DNAI7: variants seen among roughly 807,000 people sequenced by gnomAD.
The protein encoded by DNAI7 is dynein axonemal intermediate chain 7, also known as cancer susceptibility 1.
DNAI7 carries 78 observed loss-of-function variants against 86.6 expected under a neutral mutation model. The ratio of observed to expected loss-of-function variants is 0.90; its 90% confidence interval spans 0.75 to 1.09. DNAI7 has a LOEUF of 1.09. DNAI7 is among the 50% of genes least tolerant of loss of function. The pLI, the probability that DNAI7 is intolerant of heterozygous loss-of-function variation, is 0.00. For synonymous variants in DNAI7, 274 were observed against 273.0 expected (o/e 1.00, Z -0.04); for missense variants, 753 against 810.2 (o/e 0.93, Z 0.86).
intron 12 of DNAI7, among the ~76,000 whole-genome samples, chr12:25,118,380 C>T (rs1293714958): frequency 6.6e-6 from 1 of 152,150 alleles, no homozygotes; most frequent in Non-Finnish European, 1.5e-5. Context: ...TCTCCTGCCT[C>T]AGCCTGCGGA....
intron 9 of DNAI7, among the ~76,000 whole-genome samples, chr12:25,143,864 C>T (rs1162688755): frequency 6.6e-6 from 1 of 152,042 alleles, no homozygotes; most frequent in Non-Finnish European, 1.5e-5. Flanking sequence ...AGAGAAGAAG[C>T]TAACTAAAGG....
At chr12:25,187,822 A>C (rs971203247) in intron 2 of DNAI7, among the ~76,000 whole-genome samples, 2 of 152,348 alleles carry the variant, frequency 1.3e-5, no homozygotes, top group South Asian at 2.1e-4. Context: ...AATAATGCCT[A>C]AGATGGCAGT....
At chr12:25,108,198 TC>T, downstream of DNAI7, 1 of 960,000 alleles carries the variant, frequency 1.0e-6, no homozygotes, top group East Asian at 2.5e-5. Context: ...TTACATTTCC[TC>T]TTTTTGCCTT....
intron 14 of DNAI7, among the ~76,000 whole-genome samples, chr12:25,110,856 C>T (rs1938672760): frequency 6.6e-6 from 1 of 151,922 alleles, no homozygotes; most frequent in Non-Finnish European, 1.5e-5. Context: ...AGGTAAGGAC[C>T]TTTGTTTCAT....
chr12:25,151,663 C>T (rs1945561662), intron 6 of DNAI7, among the ~76,000 whole-genome samples: 1 of 152,180 alleles, frequency 6.6e-6, no homozygotes, highest in African/African-American at 2.4e-5. Flanking sequence ...CTCTGGTAGA[C>T]AGGATGTGTA....
At chr12:25,153,951 C>T (rs556698273) in intron 6 of DNAI7, among the ~76,000 whole-genome samples, 17 of 152,250 alleles carry the variant, frequency 1.1e-4, no homozygotes, top group African/African-American at 3.9e-4. Flanking sequence ...GTATACCTGG[C>T]ACCTAGTAAA....
chr12:25,189,149 G>A (rs746473681), intron 2 of DNAI7, among the ~76,000 whole-genome samples: 2 of 152,082 alleles, frequency 1.3e-5, no homozygotes, highest in Non-Finnish European at 2.9e-5. Flanking sequence ...TTTTAAGGGT[G>A]GTAGATTAAA....
intron 9 of DNAI7, among the ~76,000 whole-genome samples, chr12:25,125,332 T>C (rs1213282035): frequency 6.6e-6 from 1 of 152,212 alleles, no homozygotes; most frequent in Non-Finnish European, 1.5e-5. Flanking sequence ...TGAGATGATA[T>C]CTCATTGTGG....
chr12:25,142,716 T>TA (rs1565707696), intron 9 of DNAI7, among the ~76,000 whole-genome samples: 1 of 152,224 alleles, frequency 6.6e-6, no homozygotes, highest in Non-Finnish European at 1.5e-5. Flanking sequence ...TTCAGGAATA[T>TA]AAAATCACAA....
chr12:25,171,562 A>T (rs563632547), intron 2 of DNAI7, among the ~76,000 whole-genome samples: 1 of 152,202 alleles, frequency 6.6e-6, no homozygotes, highest in Non-Finnish European at 1.5e-5. Context: ...ATTGGTACCA[A>T]TTCTATTGAC....
intron 7 of DNAI7, among the ~76,000 whole-genome samples, chr12:25,148,209 A>G (rs976710273): frequency 2.6e-5 from 4 of 152,074 alleles, no homozygotes; most frequent in African/African-American, 7.2e-5. Context: ...TCCTCATGGC[A>G]TTGTTTAACT....
At chr12:25,152,966 T>C (rs541919258) in intron 6 of DNAI7, among the ~76,000 whole-genome samples, 5 of 152,342 alleles carry the variant, frequency 3.3e-5, no homozygotes, top group Non-Finnish European at 5.9e-5. Context: ...TTTTCAGCCA[T>C]TATCTCTTTG....
chr12:25,114,818 T>G lies in DNAI7; in HGVS notation c.1449A>C (p.Glu483Asp). 1.2e-6 allele frequency: 2 copies of G among 1,614,142 alleles called. No individual in the cohort carries two copies. The highest frequency in any genetic ancestry group is 1.7e-6 in the Non-Finnish European group (2 of 1,179,992). The change falls in exon 13 of 16, where the codon GAA (glutamate) becomes GAC (aspartate). Residue 483 changes from glutamate (E) to aspartate (D), a missense_variant. Coordinates refer to ENST00000395987, the MANE Select transcript of DNAI7 (RefSeq NM_018272.5). ...GISNVSYKPK[E>D]RLVTFSLDTF... is the part of the protein sequence containing the mutation. ...TGTCCAGGCTGAATGTTACAAGTCT[T>G]TCTTTTGGTTTGTAGGATACATTGC...
intron 7 of DNAI7, among the ~76,000 whole-genome samples, chr12:25,147,976 G>A (rs1945079705): frequency 6.6e-6 from 1 of 152,174 alleles, no homozygotes; most frequent in African/African-American, 2.4e-5. Context: ...AACACAGTTT[G>A]ATGCCTATTG....
Position 25,108,466 on chromosome 12 carries a change from A to G in DNAI7, c.*82T>C. Reference sequence around the variant, plus strand: ...TAGTTGATTTGAAATGTATTCATTCACTCATTACATTGTGTTGCAGAAATA... The same window carrying G: ...TAGTTGATTTGAAATGTATTCATTCGCTCATTACATTGTGTTGCAGAAATA... On this transcript the variant is annotated 3_prime_UTR_variant, in exon 16 of 16. Transcript: ENST00000395987. 8.7e-7 allele frequency: 1 copy of G among 1,149,334 alleles called. No homozygotes were observed. The highest frequency in any genetic ancestry group is 1.2e-6 in the Non-Finnish European group (1 of 823,860). 71.2% of individuals were successfully genotyped at this position (1,149,334 alleles called of 1,614,324 possible). A position where few individuals can be genotyped will look rare whatever the true frequency, so the allele number is the denominator to read the frequency against.
intron 6 of DNAI7, among the ~76,000 whole-genome samples, chr12:25,153,129 C>T (rs1945755954): frequency 6.6e-6 from 1 of 152,072 alleles, no homozygotes; most frequent in Non-Finnish European, 1.5e-5. Context: ...ACTTTTGATT[C>T]ACTCCTCATT....
intron 9 of DNAI7, among the ~76,000 whole-genome samples, chr12:25,134,412 A>C (rs1228119024): frequency 8.3e-6 from 1 of 120,756 alleles, no homozygotes; most frequent in Admixed American, 1.1e-4. Flanking sequence ...GCTAGAGTGC[A>C]GCGGCACAAT....
At chr12:25,144,743 T>C in intron 8 of DNAI7, 66 bp from the exon 9 acceptor site, 1 of 1,187,058 alleles carries the variant, frequency 8.4e-7, no homozygotes, top group South Asian at 1.5e-5. Flanking sequence ...GTGTCAAATT[T>C]ATACCTAAGC....
At chr12:25,126,954 C>T (rs181497253) in intron 9 of DNAI7, among the ~76,000 whole-genome samples, 1 of 152,300 alleles carries the variant, frequency 6.6e-6, no homozygotes, top group Admixed American at 6.5e-5. Flanking sequence ...CCTTGATAAA[C>T]ACGAGTACTT....
Sources: gnomAD v4.1 joint callset for allele counts (sites outside exome capture counted in the v4.1 genomes callset) on GRCh38, gnomAD v4.1.1 for gene constraint, MANE v1.5 for transcripts, NCBI Gene and HGNC (gene_info 2026-07-23, HGNC 2026-07-21) for gene names.